Variants in EMP2 observed in about 807,000 individuals in gnomAD.
EMP2 encodes the protein epithelial membrane protein 2.
EMP2 carries 19 observed loss-of-function variants against 13.7 expected under a neutral mutation model. That is an observed-to-expected ratio of 1.38 (90% CI 0.97 to 2.03). The LOEUF (loss-of-function observed/expected upper bound fraction) is 2.03. EMP2 is among the 30% of genes most tolerant of loss of function. The pLI is 0.00. For synonymous variants in EMP2, 97 were observed against 84.7 expected, an observed-to-expected ratio of 1.15 and a Z score of -0.80; for missense variants, 253 against 220.7, an observed-to-expected ratio of 1.15 and a Z score of -0.93.
intron 1 of EMP2, among the ~76,000 whole-genome samples, chr16:10,571,673 G>A (rs536997878): frequency 6.6e-5 from 10 of 152,232 alleles, no homozygotes; most frequent in Admixed American, 6.5e-4. Flanking sequence ...GGACTGCAAG[G>A]CCATAGTGGC....
intron 1 of EMP2, among the ~76,000 whole-genome samples, chr16:10,562,343 T>A (rs945585796): frequency 1.5e-5 from 1 of 66,008 alleles, no homozygotes; most frequent in African/African-American, 7.0e-5. Context: ...ATGTTCTCTC[T>A]CTCTCTCTCT....
intron 1 of EMP2, among the ~76,000 whole-genome samples, chr16:10,550,864 A>C (rs2050782642): frequency 6.6e-6 from 1 of 151,996 alleles, no homozygotes; most frequent in Non-Finnish European, 1.5e-5. Context: ...AATTCCAGGT[A>C]CTCAGGAGGC....
chr16:10,536,558 T>C (rs927368743), intron 4 of EMP2, among the ~76,000 whole-genome samples: 1 of 152,220 alleles, frequency 6.6e-6, no homozygotes, highest in Non-Finnish European at 1.5e-5. Flanking sequence ...TCTTCCGCCA[T>C]GACTGTGAGG....
At chr16:10,558,968 G>C (rs143171130) in intron 1 of EMP2, 2 of 152,278 alleles carry the variant, frequency 1.3e-5, no homozygotes, top group Non-Finnish European at 2.9e-5. Context: ...GGACAATCCC[G>C]AGGTGTGGAA....
Position 10,529,346 on chromosome 16 carries a change from G to A in EMP2, c.*3559C>T, listed in dbSNP as rs1171735854. On this transcript the variant is annotated 3_prime_UTR_variant, in exon 5 of 5. Transcript: ENST00000359543. ...CTATCTACAGGTAAGAAGCTTGGAT[G>A]TTTTCTCCCTGATTTTGTCATTTCT... The A allele has an allele frequency of 1.3e-5, 2 of 152,136 alleles. No individual in the cohort carries two copies. Among genetic ancestry groups the A allele is most frequent in the Non-Finnish European group, 2.9e-5 (2 of 68,028 alleles). 9.4% of individuals were successfully genotyped at this position (152,136 alleles called of 1,614,324 possible).
intron 2 of EMP2, chr16:10,544,853 C>G (rs1159961911): frequency 6.6e-6 from 1 of 152,262 alleles, no homozygotes; most frequent in Non-Finnish European, 1.5e-5. Context: ...ACACTACACT[C>G]CAGCCTGGGT....
rs761837614 is a variant in EMP2, at chr16:10,575,237, C to CTTTTTTTTTTTTTTTTTTTTTTTTTT, written c.-61+5286_-61+5311dup. Among the ~76,000 whole-genome samples, 32 of 52,492 alleles carry CTTTTTTTTTTTTTTTTTTTTTTTTTT rather than the reference C, an allele frequency of 6.1e-4. 6 individuals carry two copies. The highest frequency in any genetic ancestry group is 2.1e-3 in the East Asian group (3 of 1,456). The allele number at this position is 52,492 out of a possible 152,430, so 34.4% of individuals were successfully genotyped here. On this transcript the variant is annotated intron_variant, in intron 1 of 4. Coordinates refer to ENST00000359543, the MANE Select transcript of EMP2 (RefSeq NM_001424.6). Reference sequence around the variant, plus strand: ...TGGCCTTGGTCCTGGAGCTTGCATTCTTTTTTTTTTTTTTTTTTTTTTTTT... The same window carrying CTTTTTTTTTTTTTTTTTTTTTTTTTT: ...TGGCCTTGGTCCTGGAGCTTGCATTCTTTTTTTTTTTTTTTTTTTTTTTTTTTTTTTTTTTTTTTTTTTTTTTTTTT...
At chr16:10,556,692 T>C (rs2050829983) in intron 1 of EMP2, among the ~76,000 whole-genome samples, 1 of 152,240 alleles carries the variant, frequency 6.6e-6, no homozygotes, top group Non-Finnish European at 1.5e-5. Context: ...CACAGGATTT[T>C]CATGTCAATC....
intron 1 of EMP2, among the ~76,000 whole-genome samples, chr16:10,559,637 A>G (rs2050857963): frequency 6.6e-6 from 1 of 152,136 alleles, no homozygotes; most frequent in Admixed American, 6.6e-5. Context: ...TTTATTCATT[A>G]CTCACCAACT....
At chr16:10,539,090 C>T (rs2050673987) in intron 3 of EMP2, among the ~76,000 whole-genome samples, 1 of 152,034 alleles carries the variant, frequency 6.6e-6, no homozygotes, top group Non-Finnish European at 1.5e-5. Flanking sequence ...AGAGTAAACT[C>T]ATCTACATAA....
At chr16:10,552,019 AT>A in intron 1 of EMP2, among the ~76,000 whole-genome samples, 1 of 152,166 alleles carries the variant, frequency 6.6e-6, no homozygotes. Context: ...CAGCTTGGAG[AT>A]TCTTCTAATT....
intron 3 of EMP2, among the ~76,000 whole-genome samples, chr16:10,541,448 T>G (rs1208972964): frequency 6.6e-6 from 1 of 152,180 alleles, no homozygotes; most frequent in Non-Finnish European, 1.5e-5. Context: ...ATGTAAAAAC[T>G]GTTCTTAGCT....
At chr16:10,579,633 G>A (rs2051009156) in intron 1 of EMP2, among the ~76,000 whole-genome samples, 3 of 151,794 alleles carry the variant, frequency 2.0e-5, no homozygotes, top group African/African-American at 7.3e-5. Flanking sequence ...GAATCACACT[G>A]TATTTGAACT....
intron 1 of EMP2, among the ~76,000 whole-genome samples, chr16:10,561,035 A>T (rs1370991837): frequency 1.3e-5 from 2 of 152,192 alleles, no homozygotes; most frequent in Admixed American, 1.3e-4. Context: ...CAGGAGGCAA[A>T]CGTGGGGAAG....
At chr16:10,579,588 T>C (rs1328837547) in intron 1 of EMP2, among the ~76,000 whole-genome samples, 1 of 152,038 alleles carries the variant, frequency 6.6e-6, no homozygotes, top group African/African-American at 2.4e-5. Context: ...TTTCTGTCTA[T>C]AAAATTTGCC....
At chr16:10,535,519 G>C (rs959389746) in intron 4 of EMP2, among the ~76,000 whole-genome samples, 1 of 152,124 alleles carries the variant, frequency 6.6e-6, no homozygotes, top group Non-Finnish European at 1.5e-5. Flanking sequence ...CAGATTGCGA[G>C]ACCAGCCTGC....
chr16:10,575,058 G>A (rs1209815917), intron 1 of EMP2, among the ~76,000 whole-genome samples: 2 of 151,730 alleles, frequency 1.3e-5, no homozygotes, highest in African/African-American at 4.8e-5. Flanking sequence ...GCTAACCTCT[G>A]CCTACTCTCT....
intron 1 of EMP2, among the ~76,000 whole-genome samples, chr16:10,551,554 G>C (rs982021331): frequency 6.6e-6 from 1 of 152,094 alleles, no homozygotes; most frequent in Non-Finnish European, 1.5e-5. Context: ...CTACAGGCAC[G>C]TGCTACTACG....
At chr16:10,537,754 A>C (rs1427540718) in intron 4 of EMP2, among the ~76,000 whole-genome samples, 174 bp downstream of exon 4, 2 of 136,788 alleles carry the variant, frequency 1.5e-5, no homozygotes, top group East Asian at 4.0e-4. Flanking sequence ...TACAGCATGC[A>C]TGCGCCCACA....
Sources: gnomAD v4.1 joint callset for allele counts (sites outside exome capture counted in the v4.1 genomes callset) on GRCh38, gnomAD v4.1.1 for gene constraint, MANE v1.5 for transcripts, NCBI Gene and HGNC (gene_info 2026-07-23, HGNC 2026-07-21) for gene names.